Variants in EYA4 observed in about 807,000 individuals in gnomAD.
EYA4 encodes protein phosphatase EYA4.
Under a neutral mutation model 87.9 loss-of-function variants are expected in EYA4, and 31 were observed. That is an observed-to-expected ratio of 0.35 (90% CI 0.27 to 0.48). The LOEUF (loss-of-function observed/expected upper bound fraction) is 0.48, where lower values mean the gene tolerates loss of function less well. Ranked by LOEUF, EYA4 falls within the 20% of genes least tolerant of loss-of-function variation. EYA4 has a pLI of 0.99. For synonymous variants in EYA4, 263 were observed against 270.6 expected (o/e 0.97, Z 0.28); for missense variants, 678 against 761.4 (o/e 0.89, Z 1.29).
Position 133,495,195 on chromosome 6 carries a change from A to G in EYA4, c.1192-10911A>G, listed in dbSNP as rs182276340. 6.6e-3 allele frequency among the ~76,000 whole-genome samples: 1,000 copies of G among 152,058 alleles called. 13 individuals are homozygous for G. The highest frequency in any genetic ancestry group is 0.023 in the African/African-American group (938 of 41,506). ...GAGGCAGCAGAATCGCCTGAACCCC[A>G]GAGGCAGAGGTTGCAGTGAGCTGAG... On this transcript the variant is annotated intron_variant, in intron 13 of 19. Coordinates refer to ENST00000355286, the MANE Select transcript of EYA4 (RefSeq NM_004100.5).
intron 17 of EYA4, 94 bp from the exon 18 acceptor site, chr6:133,522,962 A>T (rs1487172137): frequency 9.2e-7 from 1 of 1,082,392 alleles, no homozygotes; most frequent in African/African-American, 1.6e-5. Flanking sequence ...GGGACCATTA[A>T]TTAAGGAATT....
In EYA4 at chr6:133,475,906, A is replaced by G. The variant is rs1157980128; in HGVS notation, c.971-5557A>G. Among the ~76,000 whole-genome samples, 6 of 152,184 alleles carry G rather than the reference A, an allele frequency of 3.9e-5. No individual in the cohort carries two copies. In the East Asian group the frequency reaches 7.7e-4, roughly 20 times the overall value. On this transcript the variant is annotated intron_variant, in intron 11 of 19. Transcript: ENST00000355286. ...TGCTCTAGGAGCCCAGATGTATCGC[A>G]TGGCCTCTGCAGGGCATGCTCTTTT...
At chr6:133,271,655 T>G (rs1357900038) in intron 1 of EYA4, among the ~76,000 whole-genome samples, 3 of 152,138 alleles carry the variant, frequency 2.0e-5, no homozygotes, top group African/African-American at 7.2e-5. Flanking sequence ...GCTGGCAAAT[T>G]GGGCACTCAG....
intron 2 of EYA4, among the ~76,000 whole-genome samples, chr6:133,289,815 C>T (rs1459469954): frequency 1.3e-5 from 2 of 152,132 alleles, no homozygotes; most frequent in African/African-American, 4.8e-5. Flanking sequence ...CAGACTTCTT[C>T]AGAATACAAA....
Position 133,461,186 on chromosome 6 carries a change from T to C in EYA4, c.437+6T>C. The C allele has an allele frequency of 5.6e-6, 9 of 1,605,172 alleles. No homozygotes were observed. The highest frequency in any genetic ancestry group is 7.7e-6 in the Non-Finnish European group (9 of 1,171,994). ...CCACAGCTGTATCCTTCCAAGTAAGTGGTCAGTAGATTCTTGCTTTAAATT... is the reference window on the plus strand; with the variant it reads ...CCACAGCTGTATCCTTCCAAGTAAGCGGTCAGTAGATTCTTGCTTTAAATT... On this transcript the variant is annotated splice_donor_region_variant and intron_variant, in intron 7 of 19. Transcript: ENST00000355286.
intron 11 of EYA4, among the ~76,000 whole-genome samples, chr6:133,476,065 G>A (rs954262656): frequency 6.6e-6 from 1 of 152,010 alleles, no homozygotes; most frequent in Non-Finnish European, 1.5e-5. Flanking sequence ...GCAGTGATGG[G>A]CACCCGTAAT....
At chr6:133,432,586 A>C (rs1459783381) in intron 3 of EYA4, among the ~76,000 whole-genome samples, 1 of 151,992 alleles carries the variant, frequency 6.6e-6, no homozygotes, top group Non-Finnish European at 1.5e-5. Flanking sequence ...TGTTACATGA[A>C]TCGTACACAA....
At chr6:133,474,735 G>T (rs1184297983) in intron 11 of EYA4, among the ~76,000 whole-genome samples, 1 of 152,086 alleles carries the variant, frequency 6.6e-6, no homozygotes, top group African/African-American at 2.4e-5. Flanking sequence ...AAGCAAACAA[G>T]TTTATAACTA....
intron 2 of EYA4, among the ~76,000 whole-genome samples, chr6:133,334,299 G>A (rs767212008): frequency 2.7e-4 from 41 of 152,338 alleles, no homozygotes; most frequent in African/African-American, 8.7e-4. Flanking sequence ...GACAGAATTC[G>A]TGTAACTCCT....
intron 3 of EYA4, among the ~76,000 whole-genome samples, chr6:133,415,069 G>A (rs1343504994): frequency 1.3e-5 from 2 of 152,130 alleles, no homozygotes; most frequent in Non-Finnish European, 1.5e-5. Flanking sequence ...AACTAACCCT[G>A]TAACTAACCA....
Position 133,464,844 on chromosome 6 carries a change from A to G in EYA4, c.790A>G (p.Ser264Gly), listed in dbSNP as rs1392356186. 2.5e-6 allele frequency: 4 copies of G among 1,608,792 alleles called. No homozygotes were observed. The East Asian group carries it at 8.9e-5, about 36-fold the overall frequency. ...NNSVSNSTNF[S>G]GSQQDYPSYT... ...TTCAGTTTCCAATTCAACGAATTTC[A>G]GTGGTTCACAACAGGTATAGTAGCT... The change falls in exon 10 of 20, where the codon AGT becomes GGT. Residue 264 changes from serine to glycine, a missense_variant. Transcript: ENST00000355286.
At chr6:133,488,212 A>T (rs1377540052) in intron 13 of EYA4, among the ~76,000 whole-genome samples, 3 of 152,070 alleles carry the variant, frequency 2.0e-5, no homozygotes, top group Non-Finnish European at 2.9e-5. Flanking sequence ...GTGCTAGCTC[A>T]ACCACAGTAG....
chr6:133,506,175 T>C lies in EYA4; in HGVS notation c.1261T>C (p.Leu421=). 6.2e-7 allele frequency: 1 copy of C among 1,605,658 alleles called. No individual in the cohort carries two copies. Among genetic ancestry groups the C allele is most frequent in the Non-Finnish European group, 8.5e-7 (1 of 1,172,368 alleles). Residue 421 remains leucine (L), a synonymous_variant, in exon 14 of 20, where the codon TTG becomes CTG. Transcript: ENST00000355286. ...EMIFNLADTH[L]FFNDLEECDQ... is the part of the protein sequence containing the mutation. ...GATTTTTAATCTTGCTGATACTCAT[T>C]TGTTTTTTAATGATTTAGAGGTAAG...
intron 2 of EYA4, among the ~76,000 whole-genome samples, chr6:133,337,962 C>T (rs1782501301): frequency 1.3e-5 from 2 of 152,146 alleles, no homozygotes; most frequent in Non-Finnish European, 2.9e-5. Flanking sequence ...GAAAGATTTA[C>T]CCAACAGCTG....
chr6:133,512,688 G>A (rs1799261619), intron 14 of EYA4, 33 bp from the exon 15 acceptor site: 1 of 1,537,254 alleles, frequency 6.5e-7, no homozygotes, highest in African/African-American at 1.4e-5. Flanking sequence ...GCATCATTTA[G>A]AAAACAAATA....
chr6:133,511,062 A>C (rs1011644177), intron 14 of EYA4, among the ~76,000 whole-genome samples: 1 of 152,164 alleles, frequency 6.6e-6, no homozygotes, highest in Admixed American at 6.5e-5. Flanking sequence ...AAATTATATG[A>C]ACTTTTAACT....
At chr6:133,462,891 A>G (rs1316993622) in intron 9 of EYA4, 127 bp downstream of exon 9, 9 of 864,534 alleles carry the variant, frequency 1.0e-5, no homozygotes, top group Non-Finnish European at 1.7e-5. Flanking sequence ...CACAATTTCT[A>G]AAGAAAGATA....
At chr6:133,251,693 C>T (rs868390439) in intron 1 of EYA4, among the ~76,000 whole-genome samples, 2 of 152,148 alleles carry the variant, frequency 1.3e-5, no homozygotes, top group Non-Finnish European at 2.9e-5. Context: ...TTAGTGGCAT[C>T]GCTGGATGCC....
intron 17 of EYA4, among the ~76,000 whole-genome samples, chr6:133,520,116 T>C (rs1289778918): frequency 6.6e-6 from 1 of 151,858 alleles, no homozygotes; most frequent in Admixed American, 6.6e-5. Context: ...TTCAACATAG[T>C]GTTGGAAGTT....
Sources: gnomAD v4.1 joint callset for allele counts (sites outside exome capture counted in the v4.1 genomes callset) on GRCh38, gnomAD v4.1.1 for gene constraint, MANE v1.5 for transcripts, NCBI Gene and HGNC (gene_info 2026-07-23, HGNC 2026-07-21) for gene names.